GSE1: variants seen among roughly 807,000 people sequenced by gnomAD.
The protein encoded by GSE1 is genetic suppressor element 1.
A neutral mutation model predicts 112.6 loss-of-function variants in GSE1; 32 were observed. The observed-to-expected ratio is 0.28, with a 90% CI of 0.21 to 0.38. GSE1 has a LOEUF of 0.38. Ranked by LOEUF, GSE1 falls within the 10% of genes least tolerant of loss-of-function variation. The pLI is 1.00. For synonymous variants in GSE1, 1,115 were observed against 735.6 expected (o/e 1.52, Z -8.35); for missense variants, 2,348 against 1,699.2 (o/e 1.38, Z -6.71).
At chr16:85,562,203 C>T (rs1191640177) in intron 1 of GSE1, among the ~76,000 whole-genome samples, 2 of 152,208 alleles carry the variant, frequency 1.3e-5, no homozygotes, top group African/African-American at 4.8e-5. Flanking sequence ...ATTTCGGCTT[C>T]CATCTAGCAC....
intron 2 of GSE1, among the ~76,000 whole-genome samples, chr16:85,380,557 C>T (rs2047524011): frequency 7.2e-6 from 1 of 138,640 alleles, no homozygotes; most frequent in Admixed American, 6.8e-5. Flanking sequence ...CAACACTGCC[C>T]GCCGGGGGAG....
intron 1 of GSE1, among the ~76,000 whole-genome samples, chr16:85,604,761 A>T (rs1325214457): frequency 1.8e-4 from 1 of 5,522 alleles, no homozygotes; most frequent in African/African-American, 9.3e-4. Flanking sequence ...AAAAAAAAAA[A>T]AAAAAAAAAA....
intron 2 of GSE1, among the ~76,000 whole-genome samples, chr16:85,370,229 C>T (rs1366452172): frequency 6.6e-6 from 1 of 152,156 alleles, no homozygotes; most frequent in Non-Finnish European, 1.5e-5. Context: ...GAATGGCACT[C>T]ACCCTAGAGA....
chr16:85,286,701 G>A (rs1012619811), intron 1 of GSE1, among the ~76,000 whole-genome samples: 1 of 151,132 alleles, frequency 6.6e-6, no homozygotes, highest in African/African-American at 2.5e-5. Flanking sequence ...AGACTGGGTT[G>A]GGATTTTTTT....
In GSE1 at chr16:85,657,331, A is replaced by T. The variant is rs1178233062; in HGVS notation, c.1367A>T (p.His456Leu). The T allele has an allele frequency of 1.2e-6, 2 of 1,606,212 alleles. No individual in the cohort carries two copies. Among genetic ancestry groups the T allele is most frequent in the African/African-American group, 1.3e-5 (1 of 74,574 alleles). Residue 456 changes from histidine to leucine, a missense_variant, in exon 8 of 16, where the codon CAT becomes CTT. By Grantham distance (99) the His-to-Leu change is moderately conservative. Coordinates refer to ENST00000253458, the MANE Select transcript of GSE1 (RefSeq NM_014615.5). ...QAPKPVQHPLHPVPTPHHTVP... is the reference protein window; with the variant it reads ...QAPKPVQHPLLPVPTPHHTVP... ...CCCAAGCCCGTCCAACACCCCTTGC[A>T]TCCGGTGCCCACCCCACACCACACG...
chr16:85,638,141 T>C (rs954863062), intron 2 of GSE1, among the ~76,000 whole-genome samples: 46 of 152,222 alleles, frequency 3.0e-4, no homozygotes, highest in African/African-American at 1.0e-3. Context: ...CTCTCGGTTT[T>C]CGCCATCTGA....
chr16:85,242,058 C>G (rs1389316489), intron 1 of GSE1, among the ~76,000 whole-genome samples: 4 of 152,116 alleles, frequency 2.6e-5, no homozygotes. Context: ...GCCCTCCACT[C>G]TCAGGAGCTG....
At chr16:85,638,063 C>T (rs557562416) in intron 2 of GSE1, among the ~76,000 whole-genome samples, 2 of 152,306 alleles carry the variant, frequency 1.3e-5, no homozygotes, top group African/African-American at 4.8e-5. Flanking sequence ...CCCCAGCCGC[C>T]TGCGGCAAGC....
intron 3 of GSE1, among the ~76,000 whole-genome samples, chr16:85,649,877 T>G (rs2051189193): frequency 6.6e-6 from 1 of 152,104 alleles, no homozygotes; most frequent in Non-Finnish European, 1.5e-5. Flanking sequence ...CTGTCTGCCC[T>G]CTATCCCCAG....
chr16:85,231,587 GACCA>G (rs1904287555), intron 1 of GSE1, among the ~76,000 whole-genome samples: 1 of 152,006 alleles, frequency 6.6e-6, no homozygotes, highest in Admixed American at 6.6e-5. Flanking sequence ...ATGATAGATG[GACCA>G]GTGGTTAGAT....
intron 2 of GSE1, among the ~76,000 whole-genome samples, chr16:85,431,975 G>A (rs552699868): frequency 1.5e-4 from 23 of 152,304 alleles, no homozygotes; most frequent in Non-Finnish European, 3.4e-4. Context: ...GGCACAGCAC[G>A]GCATGGGCGC....
chr16:85,329,297 G>A (rs536045010), intron 1 of GSE1, among the ~76,000 whole-genome samples: 1 of 152,272 alleles, frequency 6.6e-6, no homozygotes, highest in Non-Finnish European at 1.5e-5. Context: ...TGAAGTGAGT[G>A]GAGAAGGACC....
chr16:85,442,763 G>A (rs1345666808), intron 2 of GSE1, among the ~76,000 whole-genome samples: 1 of 152,176 alleles, frequency 6.6e-6, no homozygotes, highest in Non-Finnish European at 1.5e-5. Flanking sequence ...ATTAGTGGCT[G>A]CAGTAACATA....
At chr16:85,542,668 A>G (rs1315172614) in intron 2 of GSE1, among the ~76,000 whole-genome samples, 1 of 152,250 alleles carries the variant, frequency 6.6e-6, no homozygotes, top group Non-Finnish European at 1.5e-5. Flanking sequence ...TGTTCAGCTC[A>G]GCACAAGCTA....
chr16:85,367,930 A>G (rs1379370179), intron 2 of GSE1, among the ~76,000 whole-genome samples: 1 of 147,942 alleles, frequency 6.8e-6, no homozygotes, highest in Non-Finnish European at 1.5e-5. Flanking sequence ...GCTCACTGCA[A>G]CCTCTGCCTC....
rs192679461 is a variant in GSE1, at chr16:85,439,247, G to T, written c.2464+81604G>T. On this transcript the variant is annotated intron_variant, in intron 2 of 2. Transcript: ENST00000637419. ...CCACTGAGGTGGGGCCCGGGAACAG[G>T]GGTTAGGACAGCCAGGAGGCACCAA... 4.6e-3 allele frequency among the ~76,000 whole-genome samples: 695 copies of T among 152,368 alleles called. 3 individuals carry two copies. The highest frequency in any genetic ancestry group is 0.016 in the African/African-American group (659 of 41,598).
chr16:85,611,821 G>T (rs1257474197), upstream of GSE1, among the ~76,000 whole-genome samples: 1 of 149,848 alleles, frequency 6.7e-6, no homozygotes, highest in Admixed American at 6.6e-5. Context: ...GGTGGCAGGC[G>T]CCCAGCGCTC....
intron 1 of GSE1, among the ~76,000 whole-genome samples, chr16:85,241,441 C>G (rs534956362): frequency 1.3e-5 from 2 of 152,332 alleles, no homozygotes; most frequent in East Asian, 3.9e-4. Flanking sequence ...AGCTTGCAGT[C>G]TGCTGTGGTG....
At chr16:85,326,017 G>A (rs1163567642) in intron 1 of GSE1, among the ~76,000 whole-genome samples, 1 of 152,208 alleles carries the variant, frequency 6.6e-6, no homozygotes, top group African/African-American at 2.4e-5. Flanking sequence ...AAAGTGCTGG[G>A]ATTACAGGTG....
Sources: gnomAD v4.1 joint callset for allele counts (sites outside exome capture counted in the v4.1 genomes callset) on GRCh38, gnomAD v4.1.1 for gene constraint, MANE v1.5 for transcripts, NCBI Gene and HGNC (gene_info 2026-07-23, HGNC 2026-07-21) for gene names.